The following ESRRG variants were observed in gnomAD, a reference collection of about 807,000 sequenced individuals.
ESRRG encodes the protein estrogen-related receptor gamma.
In ESRRG, 13 loss-of-function variants were observed where a neutral mutation model predicts 44.0. That is an observed-to-expected ratio of 0.30 (90% CI 0.19 to 0.47). The LOEUF (loss-of-function observed/expected upper bound fraction) is 0.47, where lower values mean the gene tolerates loss of function less well. ESRRG is among the 20% of genes least tolerant of loss of function. The pLI is 1.00. For missense variants in ESRRG, 395 were observed against 580.6 expected (o/e 0.68, Z 3.29); for synonymous variants, 215 against 214.6 (o/e 1.00, Z -0.02).
intron 2 of ESRRG, among the ~76,000 whole-genome samples, chr1:216,904,882 C>A (rs1014904203): frequency 6.6e-6 from 1 of 152,098 alleles, no homozygotes; most frequent in Non-Finnish European, 1.5e-5. Context: ...CAGAAAGTTA[C>A]CCTCTTCTGA....
chr1:216,949,360 A>C (rs867691392), intron 1 of ESRRG, among the ~76,000 whole-genome samples: 7 of 152,240 alleles, frequency 4.6e-5, no homozygotes, highest in African/African-American at 1.7e-4. Flanking sequence ...GGTTTCATCA[A>C]GTCACAAACT....
At chr1:216,840,237 T>C (rs1403632330) in intron 2 of ESRRG, among the ~76,000 whole-genome samples, 2 of 152,206 alleles carry the variant, frequency 1.3e-5, no homozygotes, top group Non-Finnish European at 2.9e-5. Context: ...CACCTGCTGC[T>C]TCACCTTCCA....
At chr1:216,759,122 G>C (rs77237867) in intron 2 of ESRRG, among the ~76,000 whole-genome samples, 9 of 152,100 alleles carry the variant, frequency 5.9e-5, no homozygotes, top group Non-Finnish European at 1.0e-4. Flanking sequence ...TGTCTATAAC[G>C]ATCATATATT....
intron 1 of ESRRG, among the ~76,000 whole-genome samples, chr1:216,980,323 C>A (rs1479767856): frequency 6.6e-6 from 1 of 152,130 alleles, no homozygotes; most frequent in Non-Finnish European, 1.5e-5. Context: ...GTTCAACTGC[C>A]TTTTAGACAA....
chr1:216,569,611 T>C (rs890533660), intron 3 of ESRRG, among the ~76,000 whole-genome samples: 1 of 152,202 alleles, frequency 6.6e-6, no homozygotes, highest in African/African-American at 2.4e-5. Context: ...CAGGACCATA[T>C]AAGTCCCTAC....
intron 2 of ESRRG, among the ~76,000 whole-genome samples, chr1:216,859,404 G>C (rs1180976279): frequency 2.6e-5 from 4 of 152,204 alleles, no homozygotes; most frequent in African/African-American, 9.6e-5. Flanking sequence ...ATCAAGGCAA[G>C]TGTAGAATAG....
intron 2 of ESRRG, among the ~76,000 whole-genome samples, chr1:216,759,826 A>T (rs1193327628): frequency 6.6e-6 from 1 of 152,078 alleles, no homozygotes; most frequent in Non-Finnish European, 1.5e-5. Flanking sequence ...GCTTTTTGGA[A>T]TTATTTTCAG....
chr1:216,859,983 G>T (rs1032226353), intron 2 of ESRRG, among the ~76,000 whole-genome samples: 3 of 152,084 alleles, frequency 2.0e-5, no homozygotes, highest in Admixed American at 6.5e-5. Context: ...GCAGACAAAG[G>T]CCAGGTGCAG....
chr1:216,766,410 C>T (rs1470542546), intron 2 of ESRRG, among the ~76,000 whole-genome samples: 1 of 152,004 alleles, frequency 6.6e-6, no homozygotes, highest in Non-Finnish European at 1.5e-5. Context: ...TTGATTCTTA[C>T]TGATGCCCCC....
intron 2 of ESRRG, among the ~76,000 whole-genome samples, chr1:216,913,611 T>C (rs2060771506): frequency 6.6e-6 from 1 of 152,256 alleles, no homozygotes; most frequent in Non-Finnish European, 1.5e-5. Flanking sequence ...TTTTCCAAGC[T>C]TACTCACTCT....
intron 2 of ESRRG, among the ~76,000 whole-genome samples, chr1:216,789,390 A>G (rs890398285): frequency 6.6e-6 from 1 of 152,174 alleles, no homozygotes; most frequent in Non-Finnish European, 1.5e-5. Context: ...GATCATTAGC[A>G]TTTTTAGCAA....
intron 5 of ESRRG, among the ~76,000 whole-genome samples, chr1:216,524,133 A>T (rs1011985552): frequency 4.7e-5 from 7 of 149,886 alleles, no homozygotes; most frequent in African/African-American, 1.8e-4. Flanking sequence ...TTTAAGCCAG[A>T]TGTTCTTTTC....
At chr1:217,026,268 G>T (rs770484469) in intron 1 of ESRRG, among the ~76,000 whole-genome samples, 1 of 152,196 alleles carries the variant, frequency 6.6e-6, no homozygotes, top group Non-Finnish European at 1.5e-5. Flanking sequence ...TTGGCCAAAT[G>T]GAGGGACAGA....
chr1:216,957,929 T>A, intron 1 of ESRRG, among the ~76,000 whole-genome samples: 1 of 152,164 alleles, frequency 6.6e-6, no homozygotes, highest in East Asian at 1.9e-4. Flanking sequence ...TCCCTTATGA[T>A]CCTGTCCACT....
chr1:216,936,144 G>A (rs1345257094), intron 2 of ESRRG, among the ~76,000 whole-genome samples: 1 of 152,008 alleles, frequency 6.6e-6, no homozygotes, highest in Non-Finnish European at 1.5e-5. Flanking sequence ...GGGATAAAGA[G>A]CTCTGTAGTC....
chr1:216,969,146 T>G (rs1467653229), intron 1 of ESRRG, among the ~76,000 whole-genome samples: 1 of 152,178 alleles, frequency 6.6e-6, no homozygotes, highest in Non-Finnish European at 1.5e-5. Flanking sequence ...ATATATATGG[T>G]GTGTTTACTA....
At chr1:217,137,042 G>T (rs561828299) in intron 1 of ESRRG, among the ~76,000 whole-genome samples, 5 of 152,124 alleles carry the variant, frequency 3.3e-5, no homozygotes, top group African/African-American at 4.8e-5. Context: ...AGCCCGTCCC[G>T]TGGGCCTAAA....
At chr1:216,667,685 C>CAAAAAAAAA (rs67275285) in intron 2 of ESRRG, among the ~76,000 whole-genome samples, 3 of 66,232 alleles carry the variant, frequency 4.5e-5, no homozygotes, top group African/African-American at 1.9e-4. Context: ...GACTCCATCT[C>CAAAAAAAAA]AAAAAAAAAA....
At chr1:217,083,880 G>T (rs1443489090) in intron 1 of ESRRG, among the ~76,000 whole-genome samples, 1 of 152,082 alleles carries the variant, frequency 6.6e-6, no homozygotes, top group African/African-American at 2.4e-5. Context: ...TCTAAGAAAA[G>T]CTATAACTTG....
Sources: allele counts gnomAD v4.1 joint callset (sites outside exome capture counted in the v4.1 genomes callset), GRCh38; gene constraint gnomAD v4.1.1; transcripts MANE v1.5; gene names NCBI Gene and HGNC (gene_info 2026-07-23, HGNC 2026-07-21).